The following JARID2 variants were observed in gnomAD, a reference collection of about 807,000 sequenced individuals.
JARID2 encodes protein Jumonji.
A neutral mutation model predicts 125.6 loss-of-function variants in JARID2; 21 were observed. The observed-to-expected ratio is 0.17, with a 90% CI of 0.12 to 0.24. The LOEUF is 0.24. JARID2 is among the 10% of genes least tolerant of loss of function. The probability of loss-of-function intolerance (pLI) is 1.00; values close to 1 mark genes in which losing one functional copy is unlikely to be tolerated. For missense variants in JARID2, 1,303 were observed against 1,639.6 expected, an observed-to-expected ratio of 0.79 and a Z score of 3.55; for synonymous variants, 736 against 661.6, an observed-to-expected ratio of 1.11 and a Z score of -1.73.
At chr6:15,400,921 C>CT (rs1339707227) in intron 2 of JARID2, 2 of 1,289,334 alleles carry the variant, frequency 1.6e-6, no homozygotes. Flanking sequence ...TTCTTCCTCT[C>CT]TGTCTCTCTG....
chr6:15,299,887 C>G (rs1761542987), intron 1 of JARID2, among the ~76,000 whole-genome samples: 1 of 152,164 alleles, frequency 6.6e-6, no homozygotes, highest in South Asian at 2.1e-4. Flanking sequence ...CTTTCTCGTA[C>G]TTTACCCACT....
intron 3 of JARID2, among the ~76,000 whole-genome samples, chr6:15,448,134 G>C (rs1412818425): frequency 6.6e-6 from 1 of 152,176 alleles, no homozygotes; most frequent in Non-Finnish European, 1.5e-5. Context: ...GGTTTGTCTT[G>C]TTCTTTAGTT....
intron 4 of JARID2, among the ~76,000 whole-genome samples, chr6:15,463,990 AATAAATGCTCTTTAT>A (rs1270645795): frequency 1.4e-4 from 22 of 152,324 alleles, no homozygotes; most frequent in African/African-American, 5.1e-4. Flanking sequence ...GTAAAGAGGA[AATAAATGCTCTTTAT>A]ATAAATGTCT....
chr6:15,451,870 T>C lies in JARID2; in HGVS notation c.324-136T>C, dbSNP rs544044748. 57 of 849,742 alleles carry C rather than the reference T, an allele frequency of 6.7e-5. No homozygotes were observed. The South Asian group carries it at 7.8e-4, about 12-fold the overall frequency. The allele number at this position is 849,742 out of a possible 1,614,324, so 52.6% of individuals were successfully genotyped here. A position where few individuals can be genotyped will look rare whatever the true frequency, so the allele number is the denominator to read the frequency against. On this transcript the variant is annotated intron_variant, in intron 3 of 17. Coordinates refer to ENST00000341776, the MANE Select transcript of JARID2 (RefSeq NM_004973.4). The stretch of plus-strand genomic sequence containing the variant: ...GTGGTTTATGAGAGTGTGAGAGATA[T>C]AGAACCTTAATTAGGAAGAGTTTGC...
intron 1 of JARID2, among the ~76,000 whole-genome samples, chr6:15,266,724 AAACAGC>A (rs1476570301): frequency 1.4e-3 from 211 of 152,316 alleles, no homozygotes; most frequent in African/African-American, 4.7e-3. Context: ...GCAGGGTGAG[AAACAGC>A]TTTGTGGACG....
At chr6:15,385,770 T>A (rs992316769) in intron 2 of JARID2, among the ~76,000 whole-genome samples, 1 of 152,142 alleles carries the variant, frequency 6.6e-6, no homozygotes, top group East Asian at 1.9e-4. Context: ...GATGTGCCAC[T>A]CTCTGTTCAG....
chr6:15,479,588 G>A (rs796595401), intron 5 of JARID2, among the ~76,000 whole-genome samples: 8 of 152,336 alleles, frequency 5.3e-5, no homozygotes, highest in African/African-American at 1.9e-4. Flanking sequence ...CCAGATATCT[G>A]TTATAATTGT....
At chr6:15,381,113 G>T (rs575502979) in intron 2 of JARID2, among the ~76,000 whole-genome samples, 4 of 151,638 alleles carry the variant, frequency 2.6e-5, no homozygotes, top group Non-Finnish European at 4.4e-5. Context: ...CAGCACTTTG[G>T]GGGGCCGAGG....
At chr6:15,399,096 T>C (rs1158945313) in intron 2 of JARID2, among the ~76,000 whole-genome samples, 1 of 152,208 alleles carries the variant, frequency 6.6e-6, no homozygotes, top group Non-Finnish European at 1.5e-5. Flanking sequence ...TACGCTGTAG[T>C]GGGGTGCATT....
intron 3 of JARID2, among the ~76,000 whole-genome samples, chr6:15,436,837 A>G (rs1268289095): frequency 6.6e-6 from 1 of 151,310 alleles, no homozygotes; most frequent in Admixed American, 6.6e-5. Flanking sequence ...CATAATGTTT[A>G]TATTCTGTGT....
chr6:15,461,496 C>G (rs756093889), intron 4 of JARID2, among the ~76,000 whole-genome samples: 2 of 152,140 alleles, frequency 1.3e-5, no homozygotes, highest in Non-Finnish European at 2.9e-5. Flanking sequence ...GAGGTCATTG[C>G]GTCATCCCTC....
At chr6:15,464,320 A>G (rs1035745642) in intron 4 of JARID2, among the ~76,000 whole-genome samples, 1 of 152,230 alleles carries the variant, frequency 6.6e-6, no homozygotes, top group African/African-American at 2.4e-5. Flanking sequence ...GAGCAATGGC[A>G]TGTGCAGCGT....
intron 5 of JARID2, among the ~76,000 whole-genome samples, chr6:15,486,961 G>T (rs554302855): frequency 6.6e-6 from 1 of 152,132 alleles, no homozygotes; most frequent in South Asian, 2.1e-4. Flanking sequence ...AGGTTAAGTG[G>T]ACTCACAGGT....
At chr6:15,376,835 C>T (rs1764374289) in intron 2 of JARID2, among the ~76,000 whole-genome samples, 1 of 152,152 alleles carries the variant, frequency 6.6e-6, no homozygotes. Flanking sequence ...GGGAAGAGCT[C>T]CTCTTCTGTA....
intron 11 of JARID2, 90 bp downstream of exon 11, chr6:15,507,506 C>T (rs1771060708): frequency 1.8e-6 from 2 of 1,095,518 alleles, no homozygotes; most frequent in East Asian, 2.4e-5. Flanking sequence ...CTTCTAAGCA[C>T]TGCCGGGGAG....
At chr6:15,401,099 C>G (rs953727645) in intron 2 of JARID2, 17 of 1,288,030 alleles carry the variant, frequency 1.3e-5, no homozygotes, top group Non-Finnish European at 1.7e-5. Flanking sequence ...AGAAATAGGC[C>G]TTTGTGGGTT....
intron 1 of JARID2, among the ~76,000 whole-genome samples, chr6:15,301,396 T>C (rs1369456514): frequency 6.6e-6 from 1 of 152,226 alleles, no homozygotes; most frequent in Middle Eastern, 3.2e-3. Context: ...CAGTGTGATA[T>C]TCAGAGGTTT....
chr6:15,511,596 G>T (rs902801087), intron 13 of JARID2, among the ~76,000 whole-genome samples, 195 bp downstream of exon 13: 9 of 152,210 alleles, frequency 5.9e-5, no homozygotes, highest in Non-Finnish European at 7.3e-5. Flanking sequence ...CTGGGGTTTT[G>T]CACGGCCTTT....
intron 8 of JARID2, among the ~76,000 whole-genome samples, chr6:15,503,721 C>T (rs1581656466): frequency 6.6e-6 from 1 of 152,328 alleles, no homozygotes; most frequent in Middle Eastern, 3.4e-3. Flanking sequence ...TGGACTCAAG[C>T]AACAAATGTG....
Sources: gnomAD v4.1 joint callset for allele counts (sites outside exome capture counted in the v4.1 genomes callset) on GRCh38, gnomAD v4.1.1 for gene constraint, MANE v1.5 for transcripts, NCBI Gene and HGNC (gene_info 2026-07-23, HGNC 2026-07-21) for gene names.